The following LRP1B variants were observed in gnomAD, a reference collection of about 807,000 sequenced individuals.
LRP1B encodes LDL receptor related protein 1B.
A neutral mutation model predicts 556.6 loss-of-function variants in LRP1B; 217 were observed. The observed-to-expected ratio is 0.39, with a 90% CI of 0.35 to 0.44. The LOEUF is 0.44. LRP1B is among the 20% of genes least tolerant of loss of function. LRP1B has a pLI of 1.00. For synonymous variants in LRP1B, 2,047 were observed against 1,865.8 expected, an observed-to-expected ratio of 1.10 and a Z score of -2.50; for missense variants, 5,053 against 5,620.8, an observed-to-expected ratio of 0.90 and a Z score of 3.23.
intron 7 of LRP1B, among the ~76,000 whole-genome samples, chr2:141,179,892 C>CTTTTTTTTTCT (rs1680916116): frequency 7.9e-6 from 1 of 126,010 alleles, no homozygotes. Context: ...TTGGTTTTTC[C>CTTTTTTTTTCT]TTTTTTTTTT....
At chr2:140,359,169 G>C (rs1178299273) in intron 72 of LRP1B, among the ~76,000 whole-genome samples, 1 of 151,548 alleles carries the variant, frequency 6.6e-6, no homozygotes, top group Non-Finnish European at 1.5e-5. Context: ...AAGGAAATAC[G>C]AAAGAGCCAA....
chr2:140,323,181 G>T (rs1222636144), intron 81 of LRP1B, among the ~76,000 whole-genome samples: 1 of 151,954 alleles, frequency 6.6e-6, no homozygotes, highest in East Asian at 1.9e-4. Context: ...AGAGCGAACT[G>T]ATCATTAGAA....
intron 72 of LRP1B, among the ~76,000 whole-genome samples, chr2:140,363,315 G>C (rs796234353): frequency 1.3e-4 from 19 of 151,602 alleles, no homozygotes; most frequent in African/African-American, 4.1e-4. Flanking sequence ...ATTTTACAAG[G>C]TTTCCCATCT....
chr2:140,688,365 T>C (rs537947447), intron 41 of LRP1B, among the ~76,000 whole-genome samples: 3 of 152,298 alleles, frequency 2.0e-5, no homozygotes, highest in East Asian at 1.9e-4. Flanking sequence ...TCTCATTTTA[T>C]CTCTTCACCA....
chr2:141,472,093 G>A (rs964242900), intron 3 of LRP1B, among the ~76,000 whole-genome samples: 14 of 152,222 alleles, frequency 9.2e-5, no homozygotes, highest in Non-Finnish European at 1.5e-4. Flanking sequence ...AGGCTAGTAC[G>A]TTTGAGAAAC....
intron 49 of LRP1B, among the ~76,000 whole-genome samples, chr2:140,519,435 C>T (rs1052595005): frequency 1.3e-5 from 2 of 152,156 alleles, no homozygotes; most frequent in African/African-American, 4.8e-5. Context: ...TGGATCCCTT[C>T]CTTACACCTT....
chr2:141,517,027 A>AAAAAG (rs1484103050), intron 2 of LRP1B, among the ~76,000 whole-genome samples: 2,370 of 136,954 alleles, frequency 0.017, 178 homozygotes, highest in African/African-American at 0.066. Context: ...AAAAAAAAAA[A>AAAAAG]AAAAAGTAAA....
chr2:141,221,201 G>T (rs555515122), intron 6 of LRP1B, among the ~76,000 whole-genome samples: 4 of 151,124 alleles, frequency 2.6e-5, no homozygotes, highest in Non-Finnish European at 5.9e-5. Context: ...TAAAGGGATG[G>T]AGGAAAATTT....
At chr2:140,618,869 C>A (rs908727946) in intron 41 of LRP1B, among the ~76,000 whole-genome samples, 1 of 151,972 alleles carries the variant, frequency 6.6e-6, no homozygotes, top group East Asian at 1.9e-4. Context: ...AAATGAAAAT[C>A]GAAGAAGGTA....
chr2:141,553,729 TAATATATTATATATAAA>T (rs1163837755), intron 2 of LRP1B, among the ~76,000 whole-genome samples: 2 of 17,446 alleles, frequency 1.1e-4, no homozygotes, highest in African/African-American at 1.2e-4. Context: ...TATATCTATA[TAATATATTATATATAAA>T]ATATATAATA....
At chr2:141,295,436 T>C (rs894068426) in intron 3 of LRP1B, among the ~76,000 whole-genome samples, 13 of 152,180 alleles carry the variant, frequency 8.5e-5, no homozygotes, top group Non-Finnish European at 1.9e-4. Flanking sequence ...AAGTTTGACC[T>C]AGGTTTTAAT....
At chr2:140,361,069 C>A (rs2105142889) in intron 72 of LRP1B, among the ~76,000 whole-genome samples, 1 of 151,046 alleles carries the variant, frequency 6.6e-6, no homozygotes, top group East Asian at 2.0e-4. Flanking sequence ...GTACTTTTCT[C>A]CCCATTAATA....
intron 77 of LRP1B, among the ~76,000 whole-genome samples, chr2:140,349,755 G>A (rs1320506620): frequency 2.0e-5 from 3 of 152,042 alleles, no homozygotes; most frequent in Non-Finnish European, 4.4e-5. Context: ...TAGAGCTAAC[G>A]AAAGTTAATG....
intron 7 of LRP1B, among the ~76,000 whole-genome samples, chr2:141,062,652 C>A (rs147113830): frequency 6.6e-6 from 1 of 151,904 alleles, no homozygotes; most frequent in Admixed American, 6.6e-5. Flanking sequence ...CCTTTATCTT[C>A]AACCTGCCTT....
intron 6 of LRP1B, among the ~76,000 whole-genome samples, chr2:141,212,431 A>G (rs1271163593): frequency 6.7e-6 from 1 of 148,396 alleles, no homozygotes; most frequent in African/African-American, 2.5e-5. Flanking sequence ...GGCTTCCACC[A>G]CCACGCCCGG....
intron 2 of LRP1B, among the ~76,000 whole-genome samples, chr2:141,557,757 T>C (rs1484001676): frequency 3.3e-5 from 5 of 151,834 alleles, no homozygotes; most frequent in Non-Finnish European, 7.4e-5. Context: ...AGACTAAGAG[T>C]GTATAACACA....
At chr2:140,410,261 G>T (rs1407867205) in intron 66 of LRP1B, among the ~76,000 whole-genome samples, 3 of 151,608 alleles carry the variant, frequency 2.0e-5, no homozygotes, top group Non-Finnish European at 2.9e-5. Context: ...TTGACTTACA[G>T]TTCAACTAGG....
At chr2:141,261,427 A>T (rs1684680293) in intron 3 of LRP1B, among the ~76,000 whole-genome samples, 1 of 152,164 alleles carries the variant, frequency 6.6e-6, no homozygotes, top group African/African-American at 2.4e-5. Context: ...GTTTTGATAA[A>T]TGTGTATTGT....
chr2:141,054,891 C>T lies in LRP1B; in HGVS notation c.1552+225G>A, dbSNP rs1699134668. The stretch of plus-strand genomic sequence containing the variant: ...TAAAAATCTTCCTCAACATATGTTT[C>T]CCTAAAATCAATAAATTTAGTGACT... On this transcript the variant is annotated intron_variant, in intron 10 of 90. Coordinates refer to ENST00000389484, the MANE Select transcript of LRP1B (RefSeq NM_018557.3). Among the ~76,000 whole-genome samples the T allele has an allele frequency of 2.6e-5, 4 of 151,918 alleles. No individual in the cohort carries two copies. The South Asian group carries it at 6.2e-4, about 24-fold the overall frequency.
Sources: gnomAD v4.1 joint callset for allele counts (sites outside exome capture counted in the v4.1 genomes callset) on GRCh38, gnomAD v4.1.1 for gene constraint, MANE v1.5 for transcripts, NCBI Gene and HGNC (gene_info 2026-07-23, HGNC 2026-07-21) for gene names.